The following PIK3C2A variants were observed in gnomAD, a reference collection of about 807,000 sequenced individuals.
PIK3C2A encodes phosphatidylinositol 4-phosphate 3-kinase C2 domain-containing subunit alpha.
PIK3C2A carries 97 observed loss-of-function variants against 204.5 expected under a neutral mutation model. That is an observed-to-expected ratio of 0.47 (90% CI 0.40 to 0.56). The LOEUF is 0.56. PIK3C2A is among the 20% of genes least tolerant of loss of function. The probability of loss-of-function intolerance (pLI) is 0.00; values close to 1 mark genes in which losing one functional copy is unlikely to be tolerated. For synonymous variants in PIK3C2A, 653 were observed against 664.4 expected (o/e 0.98, Z 0.26); for missense variants, 1,735 against 1,969.2 (o/e 0.88, Z 2.25).
Position 17,097,241 on chromosome 11 carries a change from C to G in PIK3C2A, c.4142G>C (p.Ser1381Thr). The G allele has an allele frequency of 6.2e-7, 1 of 1,612,446 alleles. No homozygotes were observed. The highest frequency in any genetic ancestry group is 8.5e-7 in the Non-Finnish European group (1 of 1,178,688). The stretch of plus-strand genomic sequence containing the variant: ...GAAGAAGTTAAACTTTGTGGCAATG[C>G]TTCCCAAACTTGATTCAATAAGCCT... ...FTRLIESSLG[S>T]IATKFNFFIH... Residue 1381 changes from serine to threonine, a missense_variant, in exon 27 of 33, where the codon AGC becomes ACC. Ser to Thr is a moderately conservative substitution (Grantham distance 58). Transcript: ENST00000691414.
At chr11:17,138,043 A>T in intron 8 of PIK3C2A, 1 of 645,398 alleles carries the variant, frequency 1.5e-6, no homozygotes, top group Non-Finnish European at 2.9e-6. Flanking sequence ...CTCCTTGATA[A>T]GGAAAGCATG....
In PIK3C2A at chr11:17,169,515, A is replaced by G. The variant is rs2137489574; in HGVS notation, c.227T>C (p.Met76Thr). 1 of 1,614,060 alleles carries G rather than the reference A, an allele frequency of 6.2e-7. No homozygotes were observed. The highest frequency in any genetic ancestry group is 8.5e-7 in the Non-Finnish European group (1 of 1,179,924). ...QVYNKQDYDLMVFPESDSQKR... is the reference protein window; with the variant it reads ...QVYNKQDYDLTVFPESDSQKR... ...TTGGGAATCTGATTCAGGAAACACC[A>G]TGAGATCATAATCCTGCTTGTTATA... Residue 76 changes from methionine (M) to threonine (T), a missense_variant, in exon 2 of 33, where the codon ATG (methionine) becomes ACG (threonine). Physicochemically the swap from Met to Thr is moderately conservative, Grantham distance 81. Coordinates refer to ENST00000691414, the MANE Select transcript of PIK3C2A (RefSeq NM_002645.4).
chr11:17,122,689 G>T lies in PIK3C2A; in HGVS notation c.2511+13C>A, dbSNP rs748354477. On this transcript the variant is annotated intron_variant, in intron 14 of 32. Transcript: ENST00000691414. ...AAATGTACACCTCTCTACATGTCAA[G>T]AAGTACCATTACCTGTAGCACTATT... The T allele has an allele frequency of 9.2e-7, 1 of 1,086,116 alleles. No individual in the cohort carries two copies. Among genetic ancestry groups the T allele is most frequent in the South Asian group, 1.3e-5 (1 of 76,248 alleles). The allele number at this position is 1,086,116 out of a possible 1,614,324, so 67.3% of individuals were successfully genotyped here. A position where few individuals can be genotyped will look rare whatever the true frequency, so the allele number is the denominator to read the frequency against.
intron 1 of PIK3C2A, among the ~76,000 whole-genome samples, chr11:17,174,081 C>T (rs895264031): frequency 2.0e-5 from 3 of 152,032 alleles, no homozygotes; most frequent in African/African-American, 7.2e-5. Flanking sequence ...CTGCCTCGGC[C>T]TCCCAAAGTG....
In PIK3C2A at chr11:17,145,663, C is replaced by A; in HGVS notation, c.1704+5G>T. ...CATTATGCCAAAATGTGAATTAAGA[C>A]TTACTTCAATTTGAAGAGCCAGTTC... On this transcript the variant is annotated splice_donor_5th_base_variant and intron_variant, in intron 8 of 32. Transcript: ENST00000691414. The A allele has an allele frequency of 6.4e-7, 1 of 1,570,952 alleles. No homozygotes were observed. Among genetic ancestry groups the A allele is most frequent in the Non-Finnish European group, 8.7e-7 (1 of 1,143,656 alleles).
intron 1 of PIK3C2A, among the ~76,000 whole-genome samples, chr11:17,192,771 C>A (rs997478623): frequency 6.6e-6 from 1 of 152,196 alleles, no homozygotes; most frequent in Non-Finnish European, 1.5e-5. Context: ...ATGGAAACCT[C>A]ATCACTAGTC....
chr11:17,117,033 T>C (rs1181164620), intron 19 of PIK3C2A, among the ~76,000 whole-genome samples: 1 of 152,214 alleles, frequency 6.6e-6, no homozygotes, highest in Admixed American at 6.5e-5. Flanking sequence ...AGAACACAGA[T>C]GAACTCTGAA....
chr11:17,092,116 C>A lies in PIK3C2A; in HGVS notation c.4569+43G>T, dbSNP rs1199372615. 4.0e-6 allele frequency: 6 copies of A among 1,496,768 alleles called. No individual in the cohort carries two copies. In the Admixed American group the frequency reaches 5.0e-5, roughly 13 times the overall value. 92.7% of individuals were successfully genotyped at this position (1,496,768 alleles called of 1,614,324 possible). ...TCATTAGTTTAAATATTATGTAACA[C>A]AAAAGGTATAAGATGTTATTACTTC... is the stretch of plus-strand genomic sequence containing the variant. On this transcript the variant is annotated intron_variant, in intron 29 of 32. Transcript: ENST00000691414.
chr11:17,145,716 T>C lies in PIK3C2A; in HGVS notation c.1656A>G (p.Glu552=), dbSNP rs1850220559. 6.2e-7 allele frequency: 1 copy of C among 1,607,622 alleles called. No homozygotes were observed. Among genetic ancestry groups the C allele is most frequent in the Non-Finnish European group, 8.5e-7 (1 of 1,174,534 alleles). ...KEAMTRHPVE[E]LLDSYHNQVE... Reference sequence around the variant, plus strand: ...CTTGGTTGTGATAAGAATCTAAGAGTTCTTCAACAGGGTGTCTGAAAGAAA... The same window carrying C: ...CTTGGTTGTGATAAGAATCTAAGAGCTCTTCAACAGGGTGTCTGAAAGAAA... Residue 552 remains glutamate (E), a synonymous_variant, in exon 8 of 33, where the codon GAA becomes GAG. Transcript: ENST00000691414.
In PIK3C2A at chr11:17,168,990, G is replaced by T; in HGVS notation, c.752C>A (p.Ser251Ter). The change falls in exon 2 of 33, where the codon TCA becomes TAA. Residue 251 changes from serine (S) to a stop codon, truncating the protein, a stop_gained. Coordinates refer to ENST00000691414, the MANE Select transcript of PIK3C2A (RefSeq NM_002645.4). LOFTEE classifies it high-confidence loss of function. ...KARTDLEITD[S>*]KVSNLQVSPK... The stretch of plus-strand genomic sequence containing the variant: ...AGATACCTGTAGATTGCTGACTTTT[G>T]AATCTGTTATCTCCAAATCAGTCCT... 6.2e-7 allele frequency: 1 copy of T among 1,613,606 alleles called. No individual in the cohort carries two copies. The highest frequency in any genetic ancestry group is 8.5e-7 in the Non-Finnish European group (1 of 1,179,912).
At chr11:17,147,674 T>A (rs776961222) in intron 5 of PIK3C2A, 46 bp from the exon 6 acceptor site, 1 of 1,042,450 alleles carries the variant, frequency 9.6e-7, no homozygotes. Context: ...AAATTAGAAA[T>A]TATAAAGGTG....
intron 2 of PIK3C2A, among the ~76,000 whole-genome samples, chr11:17,161,691 T>C (rs1267059064): frequency 1.3e-5 from 2 of 152,188 alleles, no homozygotes; most frequent in Non-Finnish European, 2.9e-5. Context: ...GGAAGTAAGC[T>C]TGCTGAGTGA....
At chr11:17,130,872 T>A (rs1849670921) in intron 12 of PIK3C2A, among the ~76,000 whole-genome samples, 1 of 151,036 alleles carries the variant, frequency 6.6e-6, no homozygotes, top group South Asian at 2.1e-4. Flanking sequence ...CAAAATATCA[T>A]CTTGTACATG....
rs1219255683 is a variant in PIK3C2A, at chr11:17,092,198, G to A, written c.4530C>T (p.Tyr1510=). 6.2e-7 allele frequency: 1 copy of A among 1,606,270 alleles called. No individual in the cohort carries two copies. The change falls in exon 29 of 33, where the codon TAC becomes TAT. Residue 1510 remains tyrosine (Y), a synonymous_variant. Transcript: ENST00000691414. ...AAKRKIELNS[Y]LQSLMNASTD... ...TTGAAGCATTCATCAAACTCTGTAA[G>A]TAACTGTTTAACTCAATTTTCCTTT... is the stretch of plus-strand genomic sequence containing the variant.
intron 18 of PIK3C2A, 111 bp from the exon 19 acceptor site, chr11:17,117,782 C>T (rs548954493): frequency 1.2e-5 from 7 of 575,374 alleles, no homozygotes; most frequent in Admixed American, 3.3e-5. Context: ...GGCGCCATCT[C>T]GGCTCACTGC....
chr11:17,099,979 A>G lies in PIK3C2A; in HGVS notation c.4009-10T>C. The G allele has an allele frequency of 7.4e-7, 1 of 1,350,222 alleles. No individual in the cohort carries two copies. The highest frequency in any genetic ancestry group is 1.1e-6 in the Non-Finnish European group (1 of 951,740). The allele number at this position is 1,350,222 out of a possible 1,614,324, so 83.6% of individuals were successfully genotyped here. ...ACCCTGAAGGAATCATCTGTAGAAG[A>G]AAACAAAAAGTTCTGTGAGTTAAAT... On this transcript the variant is annotated splice_polypyrimidine_tract_variant and intron_variant, in intron 25 of 32. Transcript: ENST00000691414.
Position 17,135,286 on chromosome 11 carries a change from G to A in PIK3C2A, c.1849-127C>T, listed in dbSNP as rs1479449903. 4.0e-5 allele frequency: 34 copies of A among 846,672 alleles called. No homozygotes were observed. The East Asian group carries it at 5.5e-4, about 14-fold the overall frequency. 52.4% of individuals were successfully genotyped at this position (846,672 alleles called of 1,614,324 possible). On this transcript the variant is annotated intron_variant, in intron 9 of 32. Coordinates refer to ENST00000691414, the MANE Select transcript of PIK3C2A (RefSeq NM_002645.4). ...CAAGTATCTACAGAATTAATAAAAC[G>A]ATAAATAAATAATGCAAAAAGAAAG...
chr11:17,159,440 G>C (rs1850707870), intron 2 of PIK3C2A, among the ~76,000 whole-genome samples: 1 of 152,250 alleles, frequency 6.6e-6, no homozygotes, highest in Non-Finnish European at 1.5e-5. Flanking sequence ...TGTTGTGTTT[G>C]AAAATCCATG....
chr11:17,162,127 C>T (rs1850793713), intron 2 of PIK3C2A, among the ~76,000 whole-genome samples: 1 of 151,922 alleles, frequency 6.6e-6, no homozygotes, highest in African/African-American at 2.4e-5. Context: ...CCTGAGGTCA[C>T]GAGTTCAAGA....
Sources: gnomAD v4.1 joint callset for allele counts (sites outside exome capture counted in the v4.1 genomes callset) on GRCh38, gnomAD v4.1.1 for gene constraint, MANE v1.5 for transcripts, NCBI Gene and HGNC (gene_info 2026-07-23, HGNC 2026-07-21) for gene names.